The following KIFAP3 variants were observed in gnomAD, a reference collection of about 807,000 sequenced individuals.
KIFAP3 encodes kinesin associated protein 3.
A neutral mutation model predicts 106.5 loss-of-function variants in KIFAP3; 68 were observed. The ratio of observed to expected loss-of-function variants is 0.64; its 90% confidence interval spans 0.53 to 0.78. KIFAP3 has a LOEUF of 0.78. KIFAP3 is among the 30% of genes least tolerant of loss of function. The probability of loss-of-function intolerance (pLI) is 0.00; values close to 1 mark genes in which losing one functional copy is unlikely to be tolerated. For synonymous variants in KIFAP3, 320 were observed against 311.5 expected (o/e 1.03, Z -0.29); for missense variants, 780 against 941.8 (o/e 0.83, Z 2.25).
Position 170,039,262 on chromosome 1 carries a change from T to C in KIFAP3, c.346A>G (p.Lys116Glu). ...KEKKEKSSKP[K>E]DPPPFEGMEI... is the part of the protein sequence containing the mutation. ...ATTCCTTCAAAAGGAGGTGGATCTT[T>C]AGGCTTGCTTGATTTTTCTTTTTTC... Residue 116 changes from lysine (K) to glutamate (E), a missense_variant, in exon 4 of 20, where the codon AAA (lysine) becomes GAA (glutamate). By Grantham distance (56) the Lys-to-Glu change is moderately conservative. Transcript: ENST00000361580. 6.2e-7 allele frequency: 1 copy of C among 1,601,860 alleles called. No individual in the cohort carries two copies.
intron 17 of KIFAP3, among the ~76,000 whole-genome samples, chr1:169,966,484 A>T (rs1305063130): frequency 7.9e-6 from 1 of 127,174 alleles, no homozygotes; most frequent in Non-Finnish European, 1.7e-5. Context: ...AAAAAAAAAA[A>T]CCTTGGCTTA....
chr1:170,065,317 A>T (rs530654118), intron 1 of KIFAP3, among the ~76,000 whole-genome samples: 56 of 152,154 alleles, frequency 3.7e-4, no homozygotes, highest in Middle Eastern at 3.4e-3. Flanking sequence ...TTTTCTTTAT[A>T]AAAGAAATAT....
chr1:169,971,451 A>G (rs966223440), intron 17 of KIFAP3, among the ~76,000 whole-genome samples: 32 of 152,072 alleles, frequency 2.1e-4, no homozygotes, highest in African/African-American at 7.5e-4. Flanking sequence ...AGGATTTAAT[A>G]TGTACAGTTT....
At chr1:169,982,178 A>G in intron 14 of KIFAP3, 81 bp from the exon 15 acceptor site, 1 of 1,359,664 alleles carries the variant, frequency 7.4e-7, no homozygotes, top group Non-Finnish European at 1.0e-6. Flanking sequence ...GTAAATACAC[A>G]GAAAGGATAC....
chr1:170,014,398 C>T (rs1402728282), intron 10 of KIFAP3, among the ~76,000 whole-genome samples: 1 of 152,234 alleles, frequency 6.6e-6, no homozygotes, highest in Non-Finnish European at 1.5e-5. Context: ...GTTCCTCCTA[C>T]TGGCCTAGCT....
At chr1:169,969,984 G>A (rs191438319) in intron 17 of KIFAP3, among the ~76,000 whole-genome samples, 1 of 152,088 alleles carries the variant, frequency 6.6e-6, no homozygotes, top group Non-Finnish European at 1.5e-5. Flanking sequence ...TATCAGGGGA[G>A]GATTTCTGAG....
chr1:170,055,169 C>A (rs1267563612), intron 2 of KIFAP3, 136 bp downstream of exon 2: 11 of 733,216 alleles, frequency 1.5e-5, no homozygotes, highest in Middle Eastern at 3.8e-4. Flanking sequence ...TTAATATAAT[C>A]TCTCCTTCAC....
chr1:170,072,369 G>C (rs541359054), intron 1 of KIFAP3, among the ~76,000 whole-genome samples: 1 of 152,290 alleles, frequency 6.6e-6, no homozygotes, highest in African/African-American at 2.4e-5. Flanking sequence ...AAAGTAGTAA[G>C]TTTAGGGAAA....
At chr1:170,028,721 C>T (rs577385669) in intron 8 of KIFAP3, among the ~76,000 whole-genome samples, 7 of 152,092 alleles carry the variant, frequency 4.6e-5, no homozygotes, top group Admixed American at 6.6e-5. Context: ...ATGATTGCAA[C>T]ACTAAGCATG....
intron 1 of KIFAP3, among the ~76,000 whole-genome samples, chr1:170,061,629 G>A (rs1671162197): frequency 1.3e-5 from 2 of 152,140 alleles, no homozygotes; most frequent in South Asian, 4.1e-4. Context: ...TCTAGAACTA[G>A]AAATACCATT....
chr1:170,017,559 A>G (rs1157483390), intron 9 of KIFAP3, among the ~76,000 whole-genome samples: 1 of 152,226 alleles, frequency 6.6e-6, no homozygotes, highest in Non-Finnish European at 1.5e-5. Context: ...TATAAAGTAC[A>G]TGTTGAAGAC....
upstream of KIFAP3, among the ~76,000 whole-genome samples, chr1:170,075,435 T>G (rs1671881478): frequency 6.6e-6 from 1 of 152,180 alleles, no homozygotes; most frequent in African/African-American, 2.4e-5. Context: ...GCACCTCTAC[T>G]CCCCCTGCTC....
intron 1 of KIFAP3, among the ~76,000 whole-genome samples, chr1:170,060,991 C>G (rs1454652188): frequency 6.6e-6 from 1 of 152,176 alleles, no homozygotes; most frequent in Non-Finnish European, 1.5e-5. Flanking sequence ...CCCTTCCTTA[C>G]ACCTTATACA....
chr1:170,027,172 A>C (rs1669159337), intron 8 of KIFAP3, among the ~76,000 whole-genome samples: 1 of 151,870 alleles, frequency 6.6e-6, no homozygotes, highest in Non-Finnish European at 1.5e-5. Context: ...GGCATCCACC[A>C]CCAACGCCTG....
At chr1:170,080,565 G>T (rs12145562) in intron 1 of KIFAP3, among the ~76,000 whole-genome samples, 1 of 151,882 alleles carries the variant, frequency 6.6e-6, no homozygotes, top group Non-Finnish European at 1.5e-5. Flanking sequence ...ATAGATTAAT[G>T]GAAGAGAATA....
chr1:170,005,640 A>G (rs1472746965), intron 10 of KIFAP3, among the ~76,000 whole-genome samples: 1 of 143,388 alleles, frequency 7.0e-6, no homozygotes, highest in African/African-American at 2.6e-5. Context: ...TCTCACTCAT[A>G]GGTGGGAATT....
At chr1:170,010,183 T>C (rs187854971) in intron 10 of KIFAP3, among the ~76,000 whole-genome samples, 1 of 152,024 alleles carries the variant, frequency 6.6e-6, no homozygotes, top group East Asian at 1.9e-4. Context: ...ACGAATAAAT[T>C]TGGCAATATT....
chr1:169,940,909 TTATGTGTG>T (rs1321371652), intron 19 of KIFAP3, among the ~76,000 whole-genome samples: 7 of 113,252 alleles, frequency 6.2e-5, no homozygotes, highest in African/African-American at 2.4e-4. Context: ...TGTTTAAGAA[TTATGTGTG>T]TGTGTGTGTG....
intron 19 of KIFAP3, among the ~76,000 whole-genome samples, chr1:169,953,503 G>A (rs1016257432): frequency 2.0e-5 from 3 of 152,022 alleles, no homozygotes; most frequent in Non-Finnish European, 4.4e-5. Context: ...AGCATATTTT[G>A]TTTTAGATCT....
Sources: gnomAD v4.1 joint callset for allele counts (sites outside exome capture counted in the v4.1 genomes callset) on GRCh38, gnomAD v4.1.1 for gene constraint, MANE v1.5 for transcripts, NCBI Gene and HGNC (gene_info 2026-07-23, HGNC 2026-07-21) for gene names.